COBL: variants seen among roughly 807,000 people sequenced by gnomAD.
The protein encoded by COBL is protein cordon-bleu.
In COBL, 51 loss-of-function variants were observed where a neutral mutation model predicts 98.8. That is an observed-to-expected ratio of 0.52 (90% confidence interval 0.41 to 0.65). The LOEUF is 0.65. Ranked by LOEUF, COBL falls within the 30% of genes least tolerant of loss-of-function variation. The pLI is 0.00. For missense variants in COBL, 1,617 were observed against 1,617.5 expected (o/e 1.00, Z 0.01); for synonymous variants, 634 against 651.7 (o/e 0.97, Z 0.41).
rs1792602479 is a variant in COBL, at chr7:51,212,991, A to G, written c.245+6750T>C. ...TAGGTAACTCAGTGCCAAGTTTACA[A>G]ATCACTTTAAAGTAGCTGTAGCTAC... On this transcript the variant is annotated intron_variant, in intron 2 of 12. Coordinates refer to ENST00000265136, the MANE Select transcript of COBL (RefSeq NM_015198.5). 2.0e-5 allele frequency among the ~76,000 whole-genome samples: 3 copies of G among 152,258 alleles called. No individual in the cohort carries two copies. The South Asian group carries it at 6.2e-4, about 31-fold the overall frequency.
Position 51,043,696 on chromosome 7 carries a change from G to T in COBL, c.1097-4C>A. 1.1e-5 allele frequency: 17 copies of T among 1,610,774 alleles called. No homozygotes were observed. The highest frequency in any genetic ancestry group is 1.4e-5 in the Non-Finnish European group (17 of 1,178,954). On this transcript the variant is annotated splice_polypyrimidine_tract_variant and splice_region_variant and intron_variant, in intron 7 of 12. Transcript: ENST00000265136. ...CCAGACCCCAGGGGCAGGCTTACTG[G>T]ACAAGACACGGCAAGGACAGGTCAG...
chr7:51,314,497 C>T (rs566440962), intron 1 of COBL, among the ~76,000 whole-genome samples: 17 of 152,308 alleles, frequency 1.1e-4, no homozygotes, highest in African/African-American at 4.1e-4. Context: ...AATATCTAAC[C>T]TTTATAATTA....
At chr7:51,043,774 G>A in intron 7 of COBL, 82 bp from the exon 8 acceptor site, 10 of 1,248,764 alleles carry the variant, frequency 8.0e-6, no homozygotes, top group South Asian at 5.8e-5. Context: ...TCAGTCTGTC[G>A]GCCCCGCTCT....
intron 6 of COBL, among the ~76,000 whole-genome samples, chr7:51,123,502 T>C (rs1304736355): frequency 2.0e-5 from 3 of 152,178 alleles, no homozygotes; most frequent in Non-Finnish European, 4.4e-5. Flanking sequence ...TCTGCCAGGA[T>C]GTTTCAACTG....
chr7:51,076,812 T>C (rs1428450232), intron 7 of COBL, among the ~76,000 whole-genome samples: 1 of 152,214 alleles, frequency 6.6e-6, no homozygotes, highest in Non-Finnish European at 1.5e-5. Flanking sequence ...AAAGATTTAT[T>C]TGCTTAAGCC....
chr7:51,017,637 A>G (rs757217198), intron 12 of COBL, 69 bp from the exon 13 acceptor site: 37 of 1,534,192 alleles, frequency 2.4e-5, no homozygotes, highest in Non-Finnish European at 3.2e-5. Context: ...TTCTGGTGCT[A>G]GAGAGCTCTG....
At chr7:51,258,497 T>C (rs1026489334) in intron 1 of COBL, among the ~76,000 whole-genome samples, 13 of 152,208 alleles carry the variant, frequency 8.5e-5, no homozygotes, top group African/African-American at 3.1e-4. Context: ...CACTGAAATT[T>C]TTCCTTGGAA....
rs1793445392 is a variant in COBL, at chr7:51,219,809, C to A, written c.177G>T (p.Arg59Ser). The A allele has an allele frequency of 3.7e-6, 6 of 1,614,018 alleles. No individual in the cohort carries two copies. The South Asian group carries it at 5.5e-5, about 15-fold the overall frequency. ...CCACGGTGACGTCCATGGTGCTGGCCCTCAGCGCCTCCTTCATGCGAACCA... is the reference window on the plus strand; with the variant it reads ...CCACGGTGACGTCCATGGTGCTGGCACTCAGCGCCTCCTTCATGCGAACCA... ...QNLVRMKEALRASTMDVTVVL... is the reference protein window; with the variant it reads ...QNLVRMKEALSASTMDVTVVL... The change falls in exon 2 of 13, where the codon AGG (arginine) becomes AGT (serine). Residue 59 changes from arginine to serine, a missense_variant. Coordinates refer to ENST00000265136, the MANE Select transcript of COBL (RefSeq NM_015198.5).
At chr7:51,150,370 G>A (rs1485482140) in intron 5 of COBL, among the ~76,000 whole-genome samples, 1 of 152,050 alleles carries the variant, frequency 6.6e-6, no homozygotes, top group Admixed American at 6.5e-5. Context: ...GAAGTCACTC[G>A]GCATGCCTCT....
chr7:51,223,625 C>T (rs886642956), intron 1 of COBL, among the ~76,000 whole-genome samples: 9 of 152,210 alleles, frequency 5.9e-5, no homozygotes, highest in African/African-American at 2.2e-4. Context: ...CCCCCAACTG[C>T]CTTGGCCTCA....
At chr7:51,080,788 G>A (rs2128934291) in intron 7 of COBL, among the ~76,000 whole-genome samples, 1 of 152,286 alleles carries the variant, frequency 6.6e-6, no homozygotes, top group African/African-American at 2.4e-5. Flanking sequence ...GAGCCCAGGG[G>A]TGAACATGGG....
chr7:51,037,501 C>T (rs1788759293), intron 8 of COBL, among the ~76,000 whole-genome samples: 1 of 152,212 alleles, frequency 6.6e-6, no homozygotes, highest in Admixed American at 6.5e-5. Flanking sequence ...ATGTAAGGGA[C>T]AGATGCCTTT....
At chr7:51,218,195 T>C (rs964776593) in intron 2 of COBL, among the ~76,000 whole-genome samples, 1 of 152,236 alleles carries the variant, frequency 6.6e-6, no homozygotes, top group Non-Finnish European at 1.5e-5. Flanking sequence ...TATTCACTTA[T>C]CTCATAAAAT....
intron 6 of COBL, among the ~76,000 whole-genome samples, chr7:51,120,867 T>C (rs1417306544): frequency 6.6e-6 from 1 of 152,240 alleles, no homozygotes; most frequent in African/African-American, 2.4e-5. Context: ...TATTACAGAA[T>C]AATATTTCAT....
At chr7:51,220,017 C>T (rs1000672589) in intron 1 of COBL, 73 bp from the exon 2 acceptor site, 3 of 1,441,902 alleles carry the variant, frequency 2.1e-6, no homozygotes, top group African/African-American at 2.8e-5. Flanking sequence ...TTCGTTCTTA[C>T]ACATACTCAG....
intron 1 of COBL, among the ~76,000 whole-genome samples, chr7:51,286,435 T>G (rs1480396570): frequency 3.3e-5 from 5 of 151,640 alleles, no homozygotes; most frequent in African/African-American, 1.2e-4. Context: ...AAATCTAATT[T>G]TAAAATGGCA....
chr7:51,227,441 C>T (rs1311512555), intron 1 of COBL, among the ~76,000 whole-genome samples: 2 of 152,134 alleles, frequency 1.3e-5, no homozygotes, highest in African/African-American at 4.8e-5. Context: ...CCTGAATACA[C>T]CTTTAGGGTC....
At chr7:51,196,739 C>G (rs1322852092) in intron 2 of COBL, among the ~76,000 whole-genome samples, 1 of 151,588 alleles carries the variant, frequency 6.6e-6, no homozygotes, top group East Asian at 1.9e-4. Context: ...CAATTTCTTC[C>G]TGGTTCAGTC....
chr7:51,293,090 T>C (rs1377657786), intron 1 of COBL, among the ~76,000 whole-genome samples: 1 of 152,238 alleles, frequency 6.6e-6, no homozygotes, highest in East Asian at 1.9e-4. Context: ...CATCCACTGC[T>C]AGAAGAGGAA....
Sources: gnomAD v4.1 joint callset for allele counts (sites outside exome capture counted in the v4.1 genomes callset) on GRCh38, gnomAD v4.1.1 for gene constraint, MANE v1.5 for transcripts, NCBI Gene and HGNC (gene_info 2026-07-23, HGNC 2026-07-21) for gene names.